The following ATP13A4 variants were observed in gnomAD, a reference collection of about 807,000 sequenced individuals.
The protein encoded by ATP13A4 is probable cation-transporting ATPase 13A4.
Under a neutral mutation model 142.5 loss-of-function variants are expected in ATP13A4, and 114 were observed. The observed-to-expected ratio is 0.80, with a 90% CI of 0.69 to 0.93. The LOEUF is 0.93. Ranked by LOEUF, ATP13A4 falls within the 40% of genes least tolerant of loss-of-function variation. ATP13A4 has a pLI of 0.00. For synonymous variants in ATP13A4, 488 were observed against 514.8 expected (o/e 0.95, Z 0.70); for missense variants, 1,392 against 1,454.0 (o/e 0.96, Z 0.69).
chr3:193,436,900 C>A lies in ATP13A4; in HGVS notation c.2673-1156G>T, dbSNP rs545774660. 6.1e-3 allele frequency among the ~76,000 whole-genome samples: 865 copies of A among 141,000 alleles called. 9 individuals carry two copies. Among genetic ancestry groups the A allele is most frequent in the Non-Finnish European group, 7.8e-3 (526 of 67,558 alleles). The allele number at this position is 141,000 out of a possible 152,430, so 92.5% of individuals were successfully genotyped here. ...CGGGCGGATCACGAGGTCAGGAGATCGAGACCATCCCGGCTAAAACGGCGA... is the reference window on the plus strand; with the variant it reads ...CGGGCGGATCACGAGGTCAGGAGATAGAGACCATCCCGGCTAAAACGGCGA... On this transcript the variant is annotated intron_variant, in intron 23 of 29. Transcript: ENST00000342695.
chr3:193,485,172 CAA>C (rs1324935674), intron 7 of ATP13A4, among the ~76,000 whole-genome samples: 1 of 149,932 alleles, frequency 6.7e-6, no homozygotes, highest in Non-Finnish European at 1.5e-5. Context: ...TAAGTCAAAG[CAA>C]AAAAAGAGTA....
Position 193,513,576 on chromosome 3 carries a change from C to T in ATP13A4, c.234+1122G>A, listed in dbSNP as rs1052394202. Among the ~76,000 whole-genome samples, 4 of 152,156 alleles carry T rather than the reference C, an allele frequency of 2.6e-5. 1 individual carries two copies. Among genetic ancestry groups the T allele is most frequent in the Admixed American group, 1.3e-4 (2 of 15,282 alleles). On this transcript the variant is annotated intron_variant, in intron 2 of 29. Transcript: ENST00000342695. ...GGAACTGGGGGTGCAGCAATTAACA[C>T]GTTAGAAATGCTCACTTCCTTTGAG...
intron 1 of ATP13A4, chr3:193,582,043 C>T (rs1376793579): frequency 6.6e-6 from 1 of 150,534 alleles, no homozygotes; most frequent in African/African-American, 2.4e-5. Flanking sequence ...GTCCCTGGTG[C>T]AGATTTTCTA....
chr3:193,471,921 T>C (rs1718652156), intron 8 of ATP13A4, among the ~76,000 whole-genome samples: 1 of 151,976 alleles, frequency 6.6e-6, no homozygotes, highest in Non-Finnish European at 1.5e-5. Context: ...CTAAGCAGGA[T>C]GGAAGGGTGT....
chr3:193,573,308 C>CGTATATATATATATATTCGTATAT (rs1229145689), intron 2 of ATP13A4, among the ~76,000 whole-genome samples: 1 of 103,674 alleles, frequency 9.6e-6, no homozygotes, highest in Non-Finnish European at 1.8e-5. Flanking sequence ...TATATATATA[C>CGTATATATATATATATTCGTATAT]ATATATATAT....
chr3:193,402,208 G>T lies in ATP13A4; in HGVS notation c.*444C>A, dbSNP rs1714287293. The T allele has an allele frequency of 5.9e-6, 1 of 168,118 alleles. No individual in the cohort carries two copies. Among genetic ancestry groups the T allele is most frequent in the African/African-American group, 2.4e-5 (1 of 41,580 alleles). 10.4% of individuals were successfully genotyped at this position (168,118 alleles called of 1,614,324 possible). ...AGAGAAAAGGAACCCAGACAGTAAAGATTGGTGTAATGTTTCCCACGCATT... is the reference window on the plus strand; with the variant it reads ...AGAGAAAAGGAACCCAGACAGTAAATATTGGTGTAATGTTTCCCACGCATT... On this transcript the variant is annotated 3_prime_UTR_variant, in exon 30 of 30. Transcript: ENST00000342695.
At chr3:193,505,026 C>T (rs1025631148) in intron 2 of ATP13A4, among the ~76,000 whole-genome samples, 5 of 152,256 alleles carry the variant, frequency 3.3e-5, no homozygotes, top group African/African-American at 7.2e-5. Context: ...AGAAAACTAA[C>T]CACCAGCAAG....
chr3:193,575,421 A>T (rs926576912), intron 2 of ATP13A4, among the ~76,000 whole-genome samples: 2 of 152,180 alleles, frequency 1.3e-5, no homozygotes, highest in Non-Finnish European at 1.5e-5. Flanking sequence ...GAAATAAAAG[A>T]TATAATCAAA....
chr3:193,441,313 T>C (rs1264451910), intron 20 of ATP13A4, among the ~76,000 whole-genome samples, 153 bp downstream of exon 20: 1 of 152,206 alleles, frequency 6.6e-6, no homozygotes, highest in Non-Finnish European at 1.5e-5. Context: ...GAGACAATAG[T>C]ATCTTCTGCA....
At chr3:193,499,313 C>G (rs549850475) in intron 3 of ATP13A4, among the ~76,000 whole-genome samples, 1 of 152,270 alleles carries the variant, frequency 6.6e-6, no homozygotes, top group Admixed American at 6.5e-5. Context: ...ATGACAGGCT[C>G]TAGGGTGTGT....
At chr3:193,408,067 T>C (rs925634551) in intron 28 of ATP13A4, among the ~76,000 whole-genome samples, 3 of 152,252 alleles carry the variant, frequency 2.0e-5, no homozygotes, top group Admixed American at 6.5e-5. Flanking sequence ...ATGCCTGATA[T>C]ATATGTATGG....
chr3:193,519,386 G>A (rs138898531), intron 1 of ATP13A4, among the ~76,000 whole-genome samples: 1 of 152,038 alleles, frequency 6.6e-6, no homozygotes, highest in African/African-American at 2.4e-5. Context: ...CTCCATCTTG[G>A]ACCACTTTCC....
chr3:193,549,330 G>A (rs752857961), intron 1 of ATP13A4, among the ~76,000 whole-genome samples: 5 of 151,396 alleles, frequency 3.3e-5, no homozygotes, highest in Non-Finnish European at 7.4e-5. Context: ...AATAATAGCT[G>A]TGCAACACAG....
chr3:193,580,899 C>T (rs748702322), intron 2 of ATP13A4, among the ~76,000 whole-genome samples: 1 of 152,188 alleles, frequency 6.6e-6, no homozygotes, highest in Non-Finnish European at 1.5e-5. Context: ...CAGTGTTGTG[C>T]TGCTCAAACA....
At chr3:193,573,299 A>ATATATGTG (rs1724321932) in intron 2 of ATP13A4, among the ~76,000 whole-genome samples, 1 of 78,596 alleles carries the variant, frequency 1.3e-5, no homozygotes, top group Non-Finnish European at 2.4e-5. Flanking sequence ...ACACATATAT[A>ATATATGTG]TATATATACA....
intron 1 of ATP13A4, among the ~76,000 whole-genome samples, chr3:193,548,521 T>C (rs1229642982): frequency 1.3e-5 from 2 of 152,210 alleles, no homozygotes; most frequent in East Asian, 1.9e-4. Flanking sequence ...TTCCTGAACA[T>C]TTCAAATGAC....
intron 2 of ATP13A4, among the ~76,000 whole-genome samples, chr3:193,572,119 A>C (rs180759550): frequency 1.1e-4 from 17 of 152,176 alleles, no homozygotes; most frequent in Non-Finnish European, 1.9e-4. Context: ...CAGGCAACAC[A>C]TGCCTGTAGT....
At chr3:193,406,733 A>G (rs1159323038) in intron 29 of ATP13A4, among the ~76,000 whole-genome samples, 1 of 152,256 alleles carries the variant, frequency 6.6e-6, no homozygotes, top group East Asian at 1.9e-4. Flanking sequence ...GAGTTAAGTG[A>G]AAGAAGCCAC....
intron 8 of ATP13A4, among the ~76,000 whole-genome samples, chr3:193,474,001 A>G (rs1718767145): frequency 6.6e-6 from 1 of 152,148 alleles, no homozygotes; most frequent in South Asian, 2.1e-4. Flanking sequence ...TCCTTCATGT[A>G]GGAAAATGTC....
Sources: allele counts gnomAD v4.1 joint callset (sites outside exome capture counted in the v4.1 genomes callset), GRCh38; gene constraint gnomAD v4.1.1; transcripts MANE v1.5; gene names NCBI Gene and HGNC (gene_info 2026-07-23, HGNC 2026-07-21).